The following PCDHGB1 variants were observed in gnomAD, a reference collection of about 807,000 sequenced individuals.
PCDHGB1 encodes protocadherin gamma subfamily B, 1, also known as protocadherin gamma-B1.
A neutral mutation model predicts 56.6 loss-of-function variants in PCDHGB1; 34 were observed. The observed-to-expected ratio is 0.60, with a 90% CI of 0.46 to 0.80. The LOEUF is 0.80. PCDHGB1 is among the 30% of genes least tolerant of loss of function. PCDHGB1 has a pLI of 0.00. For missense variants in PCDHGB1, 1,278 were observed against 1,204.6 expected (o/e 1.06, Z -0.90); for synonymous variants, 561 against 505.9 (o/e 1.11, Z -1.46).
At chr5:141,478,074 A>G in intron 1 of PCDHGB1, 1 of 1,614,090 alleles carries the variant, frequency 6.2e-7, no homozygotes, top group Non-Finnish European at 8.5e-7. Context: ...GACAATGGGG[A>G]GCCTTCGCTC....
At chr5:141,453,042 A>G (rs2098754438) in intron 1 of PCDHGB1, among the ~76,000 whole-genome samples, 1 of 152,116 alleles carries the variant, frequency 6.6e-6, no homozygotes, top group Non-Finnish European at 1.5e-5. Context: ...GTTTGTTTCT[A>G]TTATGTGCAG....
Position 141,486,677 on chromosome 5 carries a change from G to A in PCDHGB1, c.2410-8130G>A, listed in dbSNP as rs755512470. ...ACTCCTGGAGCCCAGGAATCGAGATGTATCAGCTTCCTCTTTCATCTCTCT... is the reference window on the plus strand; with the variant it reads ...ACTCCTGGAGCCCAGGAATCGAGATATATCAGCTTCCTCTTTCATCTCTCT... On this transcript the variant is annotated intron_variant, in intron 1 of 3. Transcript: ENST00000523390. This position sits in a 1 kb window ranked among gnomAD's most constrained non-coding sequence, Gnocchi z 5.0. The A allele has an allele frequency of 3.7e-6, 6 of 1,614,060 alleles. No individual in the cohort carries two copies. Among genetic ancestry groups the A allele is most frequent in the Middle Eastern group, 1.6e-4 (1 of 6,062 alleles).
intron 1 of PCDHGB1, among the ~76,000 whole-genome samples, chr5:141,437,164 T>C (rs1262289843): frequency 1.3e-5 from 2 of 152,226 alleles, no homozygotes; most frequent in Non-Finnish European, 2.9e-5. Flanking sequence ...GTGTTGATTG[T>C]TTTCTGAGAC....
chr5:141,383,766 A>G (rs1265444749), intron 1 of PCDHGB1: 6 of 1,613,894 alleles, frequency 3.7e-6, no homozygotes, highest in Non-Finnish European at 5.1e-6. Context: ...CTAAACTTCC[A>G]AAGATGTTTC....
At position 141,399,889 on chromosome 5, in the gene PCDHGB1, G is replaced by A. The variant is rs2093912508; in HGVS notation, c.2409+47220G>A. 2.5e-6 allele frequency: 4 copies of A among 1,612,576 alleles called. No homozygotes were observed. In the African/African-American group the frequency reaches 5.3e-5, roughly 22 times the overall value. On this transcript the variant is annotated intron_variant, in intron 1 of 3. Coordinates refer to ENST00000523390, the MANE Select transcript of PCDHGB1 (RefSeq NM_018922.3). Reference sequence around the variant, plus strand: ...GCCCGGCTACCTGGTGACCAAGGTAGTGGCCGTGGACGCAGACTCAGGACA... The same window carrying A: ...GCCCGGCTACCTGGTGACCAAGGTAATGGCCGTGGACGCAGACTCAGGACA...
At chr5:141,423,256 G>A (rs751894091) in intron 1 of PCDHGB1, 3 of 1,613,816 alleles carry the variant, frequency 1.9e-6, no homozygotes, top group South Asian at 2.2e-5. Context: ...GGCGGACCTC[G>A]GCAGCCTCGA....
At chr5:141,398,437 C>G (rs2093656645) in intron 1 of PCDHGB1, 20 of 1,556,582 alleles carry the variant, frequency 1.3e-5, no homozygotes, top group Non-Finnish European at 1.8e-5. Flanking sequence ...AGCTTGTGCT[C>G]TGGAATTTGA....
intron 1 of PCDHGB1, chr5:141,414,379 A>G (rs2095740987): frequency 1.2e-6 from 2 of 1,613,912 alleles, no homozygotes; most frequent in African/African-American, 1.3e-5. Context: ...AGAAAAGTCC[A>G]TTGACAGTTA....
intron 1 of PCDHGB1, chr5:141,415,740 G>GTTTTTTGTTT (rs2095911797): frequency 3.9e-6 from 2 of 515,998 alleles, no homozygotes; most frequent in African/African-American, 2.8e-5. Context: ...GTTTATTAAG[G>GTTTTTTGTTT]TTTTTTTTTT....
intron 1 of PCDHGB1, among the ~76,000 whole-genome samples, chr5:141,438,579 CATACATACATACATATATATAT>C (rs1356926315): frequency 3.6e-5 from 2 of 55,782 alleles, no homozygotes; most frequent in Non-Finnish European, 6.0e-5. Context: ...GATATACATA[CATACATACATACATATATATAT>C]ATATATATAT....
In PCDHGB1 at chr5:141,409,757, G is replaced by T. The variant is rs376391018; in HGVS notation, c.2409+57088G>T. On this transcript the variant is annotated intron_variant, in intron 1 of 3. Coordinates refer to ENST00000523390, the MANE Select transcript of PCDHGB1 (RefSeq NM_018922.3). ...GAGCGGGGTGGTGTTCGCGCAGCGC[G>T]CCTTTGATCACGAGCAGCTGCGCGC... is the stretch of plus-strand genomic sequence containing the variant. 5 of 1,612,868 alleles carry T rather than the reference G, an allele frequency of 3.1e-6. No homozygotes were observed. In the East Asian group the frequency reaches 6.7e-5, roughly 22 times the overall value.
intron 1 of PCDHGB1, chr5:141,393,180 A>G: frequency 6.2e-7 from 1 of 1,613,356 alleles, no homozygotes; most frequent in South Asian, 1.1e-5. Context: ...AGAAATAGAA[A>G]TAATTGATAT....
chr5:141,394,353 C>G (rs759128487), intron 1 of PCDHGB1: 11 of 1,614,178 alleles, frequency 6.8e-6, no homozygotes, highest in East Asian at 4.5e-5. Flanking sequence ...CACCGGTGTC[C>G]TGTATGCGCT....
rs756706355 is a variant in PCDHGB1 at position 141,486,950 on chromosome 5, G to C, written c.2410-7857G>C. 6.2e-7 allele frequency: 1 copy of C among 1,614,202 alleles called. No homozygotes were observed. Among genetic ancestry groups the C allele is most frequent in the East Asian group, 2.2e-5 (1 of 44,876 alleles). On this transcript the variant is annotated intron_variant, in intron 1 of 3. Coordinates refer to ENST00000523390, the MANE Select transcript of PCDHGB1 (RefSeq NM_018922.3). The surrounding 1 kb of genome is among the most constrained non-coding windows in gnomAD (Gnocchi z 5.0). ...TGGTGCTGGCCACCTAATCACAAAG[G>C]TGACTGCTGTGGACTTGGATTCAGG...
At chr5:141,448,654 A>G (rs966383140) in intron 1 of PCDHGB1, among the ~76,000 whole-genome samples, 1 of 152,048 alleles carries the variant, frequency 6.6e-6, no homozygotes, top group African/African-American at 2.4e-5. Context: ...AAATATTTCC[A>G]TATTGGCCGG....
chr5:141,350,818 T>C lies in PCDHGB1; in HGVS notation c.558T>C (p.Ser186=). The change falls in exon 1 of 4, where the codon AGT becomes AGC. Residue 186 remains serine (S), a synonymous_variant. Transcript: ENST00000523390. ...CAACGAAGGAAAGTCCTGATGGAAGTAAATATCCGGTATTACTGCTGGAAA... is the reference window on the plus strand; with the variant it reads ...CAACGAAGGAAAGTCCTGATGGAAGCAAATATCCGGTATTACTGCTGGAAA... ...SLSTKESPDG[S]KYPVLLLEKP... 6.2e-7 allele frequency: 1 copy of C among 1,614,010 alleles called. No individual in the cohort carries two copies. The highest frequency in any genetic ancestry group is 8.5e-7 in the Non-Finnish European group (1 of 1,179,886).
chr5:141,356,178 T>G, intron 1 of PCDHGB1: 1 of 1,612,292 alleles, frequency 6.2e-7, no homozygotes, highest in Non-Finnish European at 8.5e-7. Flanking sequence ...ATGGGCCTGG[T>G]CTCCGAGCTA....
At chr5:141,433,699 T>C (rs2097645911) in intron 1 of PCDHGB1, among the ~76,000 whole-genome samples, 1 of 152,082 alleles carries the variant, frequency 6.6e-6, no homozygotes, top group Non-Finnish European at 1.5e-5. Flanking sequence ...TAGCCGGGCG[T>C]GGTGGTGCAT....
At chr5:141,417,958 C>T (rs1255501304) in intron 1 of PCDHGB1, 3 of 1,613,720 alleles carry the variant, frequency 1.9e-6, no homozygotes, top group South Asian at 2.2e-5. Context: ...GTGAGCCGAT[C>T]CGCTACTCGA....
Sources: allele counts gnomAD v4.1 joint callset (sites outside exome capture counted in the v4.1 genomes callset), GRCh38; gene constraint gnomAD v4.1.1; non-coding constraint Gnocchi (gnomAD v3.1); transcripts MANE v1.5; gene names NCBI Gene and HGNC (gene_info 2026-07-23, HGNC 2026-07-21).